OCM: variants seen among roughly 807,000 people sequenced by gnomAD.
The protein encoded by OCM is oncomodulin, also known as oncomodulin-1.
A neutral mutation model predicts 14.1 loss-of-function variants in OCM; 18 were observed. The observed-to-expected ratio is 1.28, with a 90% confidence interval of 0.88 to 1.89. The LOEUF is 1.89. OCM is among the 40% of genes most tolerant of loss of function. The pLI, the probability that OCM is intolerant of heterozygous loss-of-function variation, is 0.00. For synonymous variants in OCM, 48 were observed against 51.0 expected (o/e 0.94, Z 0.25); for missense variants, 140 against 137.6 (o/e 1.02, Z -0.09).
upstream of OCM, among the ~76,000 whole-genome samples, chr7:5,878,547 C>A (rs1781143460): frequency 6.7e-6 from 1 of 150,232 alleles, no homozygotes; most frequent in African/African-American, 2.4e-5. Flanking sequence ...GAGATCAAGA[C>A]CATCCTGGCT....
At chr7:5,864,789 T>C in the OCM span, among the ~76,000 whole-genome samples, 1 of 151,938 alleles carries the variant, frequency 6.6e-6, no homozygotes, top group Non-Finnish European at 1.5e-5. Flanking sequence ...AAATACAAAA[T>C]TAGCCGGGCG....
chr7:5,874,059 T>TAAAAAA, the OCM span, among the ~76,000 whole-genome samples: 1 of 131,872 alleles, frequency 7.6e-6, no homozygotes, highest in Non-Finnish European at 1.6e-5. Flanking sequence ...CTACTAAAAA[T>TAAAAAA]AAAAAAAAAA....
chr7:5,874,375 C>T, the OCM span, among the ~76,000 whole-genome samples: 16 of 151,464 alleles, frequency 1.1e-4, no homozygotes, highest in Middle Eastern at 3.5e-3. Flanking sequence ...ACATGATATA[C>T]ATATACATTA....
chr7:5,860,517 T>A, the OCM span, among the ~76,000 whole-genome samples: 49 of 121,404 alleles, frequency 4.0e-4, 1 homozygote, highest in Non-Finnish European at 6.3e-4. Context: ...TATATACGTG[T>A]ATATATACGT....
the OCM span, among the ~76,000 whole-genome samples, chr7:5,865,384 C>T: frequency 6.6e-6 from 1 of 152,060 alleles, no homozygotes; most frequent in Admixed American, 6.6e-5. Flanking sequence ...AATTGCTCCC[C>T]AAATGAGAGA....
At chr7:5,865,173 C>T in the OCM span, among the ~76,000 whole-genome samples, 3 of 151,816 alleles carry the variant, frequency 2.0e-5, no homozygotes, top group Admixed American at 6.6e-5. Context: ...TGGCCAGCGT[C>T]GGGGCCGACG....
upstream of OCM, among the ~76,000 whole-genome samples, chr7:5,878,624 G>A (rs113620172): frequency 0.068 from 10,322 of 151,356 alleles, 477 homozygotes; most frequent in Admixed American, 0.11. Context: ...GCGGGCGCCT[G>A]CAGTCCCAGC....
upstream of OCM, among the ~76,000 whole-genome samples, chr7:5,874,829 T>A (rs1291237367): frequency 6.6e-6 from 1 of 151,896 alleles, no homozygotes; most frequent in East Asian, 1.9e-4. Context: ...TAAAGTTCAG[T>A]GGCATTAAAT....
At chr7:5,863,300 C>T in the OCM span, among the ~76,000 whole-genome samples, 1 of 152,090 alleles carries the variant, frequency 6.6e-6, no homozygotes, top group Non-Finnish European at 1.5e-5. Flanking sequence ...TGATGTTCCT[C>T]CCGGGCGTGT....
chr7:5,867,812 A>G, the OCM span, among the ~76,000 whole-genome samples: 2 of 151,866 alleles, frequency 1.3e-5, no homozygotes, highest in African/African-American at 4.8e-5. Context: ...CCCAGGCTGG[A>G]GTGCAGTGGC....
At chr7:5,870,646 T>C in the OCM span, among the ~76,000 whole-genome samples, 2 of 152,172 alleles carry the variant, frequency 1.3e-5, no homozygotes, top group Admixed American at 6.6e-5. Flanking sequence ...ATCTGTAAAA[T>C]AGGAGCATCA....
the OCM span, among the ~76,000 whole-genome samples, chr7:5,860,322 C>T: frequency 7.2e-6 from 1 of 138,908 alleles, no homozygotes; most frequent in South Asian, 2.1e-4. Flanking sequence ...CATGCCTAAG[C>T]AGTTTGGGGC....
the OCM span, among the ~76,000 whole-genome samples, chr7:5,864,141 A>C: frequency 6.6e-6 from 1 of 151,786 alleles, no homozygotes; most frequent in African/African-American, 2.4e-5. Context: ...TGAGTGCAAG[A>C]CCAGCCTGGG....
At chr7:5,878,106 G>A (rs1217139123), upstream of OCM, among the ~76,000 whole-genome samples, 2 of 151,192 alleles carry the variant, frequency 1.3e-5, no homozygotes, top group Non-Finnish European at 2.9e-5. Context: ...AAGTAGCTGG[G>A]ATTACAGGCT....
the OCM span, among the ~76,000 whole-genome samples, chr7:5,872,439 G>A: frequency 6.6e-6 from 1 of 152,258 alleles, no homozygotes; most frequent in African/African-American, 2.4e-5. Context: ...TCCACTTGTA[G>A]AGAAGTATCT....
At chr7:5,879,772 G>T (rs75324266), upstream of OCM, 24 of 137,296 alleles carry the variant, frequency 1.7e-4, no homozygotes, top group East Asian at 4.6e-3. Flanking sequence ...AAAAAAAAAA[G>T]AGGTTTCATG....
intron 3 of OCM, 74 bp from the exon 4 acceptor site, chr7:5,885,990 T>C (rs1312748954): frequency 8.7e-6 from 14 of 1,605,508 alleles, no homozygotes; most frequent in Non-Finnish European, 1.2e-5. Flanking sequence ...TCTTTGGAAT[T>C]CTCATTGGCC....
Sources: allele counts gnomAD v4.1 joint callset (sites outside exome capture counted in the v4.1 genomes callset), GRCh38; gene constraint gnomAD v4.1.1; transcripts MANE v1.5; gene names NCBI Gene and HGNC (gene_info 2026-07-23, HGNC 2026-07-21).